ACVR1B: variants seen among roughly 807,000 people sequenced by gnomAD.
The protein encoded by ACVR1B is activin receptor type-1B.
A neutral mutation model predicts 55.6 loss-of-function variants in ACVR1B; 15 were observed. The ratio of observed to expected loss-of-function variants is 0.27; its 90% CI spans 0.18 to 0.42. The LOEUF is 0.42. Ranked by LOEUF, ACVR1B falls within the 10% of genes least tolerant of loss-of-function variation. The pLI is 1.00. For missense variants in ACVR1B, 359 were observed against 670.1 expected (o/e 0.54, Z 5.13); for synonymous variants, 247 against 254.6 (o/e 0.97, Z 0.28).
At position 51,995,727 on chromosome 12, in the gene ACVR1B, A is replaced by G. The variant is rs1230672295; in HGVS notation, c.*1617A>G. 6.6e-6 allele frequency: 1 copy of G among 152,562 alleles called. No homozygotes were observed. The highest frequency in any genetic ancestry group is 1.5e-5 in the Non-Finnish European group (1 of 68,040). The allele number at this position is 152,562 out of a possible 1,614,324, so 9.5% of individuals were successfully genotyped here. On this transcript the variant is annotated 3_prime_UTR_variant, in exon 9 of 9. Coordinates refer to ENST00000257963, the MANE Select transcript of ACVR1B (RefSeq NM_004302.5). The stretch of plus-strand genomic sequence containing the variant: ...TATCCAATTGAACGCACATAGCTCA[A>G]TCACACTGGAAATGTTTGTCCTTGC...
intron 1 of ACVR1B, among the ~76,000 whole-genome samples, chr12:51,973,001 G>A (rs575205041): frequency 3.3e-5 from 5 of 152,200 alleles, no homozygotes; most frequent in East Asian, 1.9e-4. Flanking sequence ...TCCGTTCTTC[G>A]TCCTGTCTAG....
chr12:51,956,287 C>T (rs1941406518), intron 1 of ACVR1B, among the ~76,000 whole-genome samples: 1 of 152,186 alleles, frequency 6.6e-6, no homozygotes, highest in Admixed American at 6.5e-5. Flanking sequence ...CTGCCTTTCC[C>T]TTTAAACCAT....
At chr12:51,977,783 A>AT (rs748536892) in intron 3 of ACVR1B, among the ~76,000 whole-genome samples, 13,905 of 103,142 alleles carry the variant, frequency 0.13, 988 homozygotes, top group Non-Finnish European at 0.16. Context: ...AAGCCTGGCA[A>AT]TTTTTTTTTT....
chr12:51,984,211 A>G (rs377320192), intron 5 of ACVR1B, 45 bp downstream of exon 5: 1 of 1,607,602 alleles, frequency 6.2e-7, no homozygotes, highest in South Asian at 1.1e-5. Context: ...TAGGCATGAA[A>G]GGTCCGCAGT....
chr12:51,953,474 T>C (rs2120403896), intron 1 of ACVR1B: 1 of 985,218 alleles, frequency 1.0e-6, no homozygotes. Context: ...ATGGTGAAGG[T>C]GTATGAACAG....
intron 1 of ACVR1B, among the ~76,000 whole-genome samples, chr12:51,957,283 T>TA (rs1941430791): frequency 6.6e-6 from 1 of 151,314 alleles, no homozygotes; most frequent in Non-Finnish European, 1.5e-5. Context: ...CCGTCTCTAT[T>TA]AAAAATACAA....
intron 1 of ACVR1B, among the ~76,000 whole-genome samples, chr12:51,963,822 G>C (rs2120492886): frequency 6.6e-6 from 1 of 152,252 alleles, no homozygotes; most frequent in African/African-American, 2.4e-5. Flanking sequence ...AGAACTGCTG[G>C]GTTATAGGGT....
intron 2 of ACVR1B, among the ~76,000 whole-genome samples, chr12:51,976,049 G>C (rs1386538335): frequency 6.6e-6 from 1 of 152,240 alleles, no homozygotes; most frequent in Non-Finnish European, 1.5e-5. Context: ...ACAGGCATCT[G>C]TGTAGGGGCC....
chr12:51,971,471 G>T (rs1472360127), intron 1 of ACVR1B, among the ~76,000 whole-genome samples: 1 of 152,120 alleles, frequency 6.6e-6, no homozygotes, highest in Non-Finnish European at 1.5e-5. Context: ...TAATTCTTCC[G>T]CCTTGGAATA....
At chr12:51,978,668 A>T (rs1941915547) in intron 3 of ACVR1B, among the ~76,000 whole-genome samples, 1 of 125,554 alleles carries the variant, frequency 8.0e-6, no homozygotes, top group Admixed American at 8.8e-5. Flanking sequence ...TGTCTCTACT[A>T]AAAATACAAA....
intron 3 of ACVR1B, 73 bp from the exon 4 acceptor site, chr12:51,980,896 G>A: frequency 2.3e-6 from 3 of 1,307,924 alleles, no homozygotes; most frequent in Non-Finnish European, 3.2e-6. Flanking sequence ...TTTCCGTTGT[G>A]CCAATTAGTG....
chr12:51,979,481 AAAG>A (rs1444776210), intron 3 of ACVR1B, among the ~76,000 whole-genome samples: 20 of 151,518 alleles, frequency 1.3e-4, no homozygotes, highest in Admixed American at 2.0e-4. Context: ...AAAAAAAAAA[AAAG>A]GAGTCTTGAA....
At chr12:51,967,525 C>T (rs1941666348) in intron 1 of ACVR1B, among the ~76,000 whole-genome samples, 1 of 152,194 alleles carries the variant, frequency 6.6e-6, no homozygotes, top group African/African-American at 2.4e-5. Context: ...TGCCATTGTA[C>T]TCCAGCCTGG....
chr12:51,954,768 C>T (rs1251849301), intron 1 of ACVR1B, among the ~76,000 whole-genome samples: 1 of 152,188 alleles, frequency 6.6e-6, no homozygotes, highest in East Asian at 1.9e-4. Context: ...TTTTGTGTCA[C>T]TCTTATTGGG....
chr12:51,955,517 A>G (rs1370265255), intron 1 of ACVR1B, among the ~76,000 whole-genome samples: 1 of 152,202 alleles, frequency 6.6e-6, no homozygotes, highest in Non-Finnish European at 1.5e-5. Context: ...GTTGAGGTGG[A>G]ATGGAATTAT....
chr12:51,985,456 G>A, intron 6 of ACVR1B, 108 bp downstream of exon 6: 2 of 1,312,584 alleles, frequency 1.5e-6, no homozygotes, highest in Non-Finnish European at 2.1e-6. Context: ...AGGAGGCGAG[G>A]ACCTTGCTCT....
rs946146457 is a variant in ACVR1B at position 51,995,868 on chromosome 12, C to G, written c.*1758C>G. On this transcript the variant is annotated 3_prime_UTR_variant, in exon 9 of 9. Transcript: ENST00000257963. The stretch of plus-strand genomic sequence containing the variant: ...AGTGGTTTTTGCTCTAGGGCCCTTT[C>G]TTGCACTGTCCAGCTGGTTGTACCC... The G allele has an allele frequency of 1.3e-5, 2 of 152,668 alleles. No individual in the cohort carries two copies. The highest frequency in any genetic ancestry group is 4.8e-5 in the African/African-American group (2 of 41,428). 9.5% of individuals were successfully genotyped at this position (152,668 alleles called of 1,614,324 possible). A position where few individuals can be genotyped will look rare whatever the true frequency, so the allele number is the denominator to read the frequency against.
In ACVR1B at chr12:51,976,257, G is replaced by C. The variant is rs1431612048; in HGVS notation, c.332-70G>C. On this transcript the variant is annotated intron_variant, in intron 2 of 8. Coordinates refer to ENST00000257963, the MANE Select transcript of ACVR1B (RefSeq NM_004302.5). ...GGGTCTTTTTCACTCTTCACTTTGAGGGGGGTGTTTTTACTCTTTCCCTTG... is the reference window on the plus strand; with the variant it reads ...GGGTCTTTTTCACTCTTCACTTTGACGGGGGTGTTTTTACTCTTTCCCTTG... The C allele has an allele frequency of 2.7e-5, 42 of 1,567,172 alleles. 1 individual carries two copies. In the South Asian group the frequency reaches 4.6e-4, roughly 17 times the overall value.
At chr12:51,962,127 A>T (rs1352686433) in intron 1 of ACVR1B, among the ~76,000 whole-genome samples, 1 of 152,248 alleles carries the variant, frequency 6.6e-6, no homozygotes, top group Non-Finnish European at 1.5e-5. Flanking sequence ...GTCTCCAAGT[A>T]GAATGTCAGA....
Sources: gnomAD v4.1 joint callset for allele counts (sites outside exome capture counted in the v4.1 genomes callset) on GRCh38, gnomAD v4.1.1 for gene constraint, MANE v1.5 for transcripts, NCBI Gene and HGNC (gene_info 2026-07-23, HGNC 2026-07-21) for gene names.